Variants in C2orf80 observed in about 807,000 individuals in gnomAD.
C2orf80 encodes chromosome 2 open reading frame 80.
In C2orf80, 28 loss-of-function variants were observed where a neutral mutation model predicts 30.2. The observed-to-expected ratio is 0.93, with a 90% CI of 0.69 to 1.27. The LOEUF (loss-of-function observed/expected upper bound fraction) is 1.27. Ranked by LOEUF, C2orf80 falls within the 50% of genes most tolerant of loss-of-function variation. The probability of loss-of-function intolerance (pLI) is 0.00; values close to 1 mark genes in which losing one functional copy is unlikely to be tolerated. For missense variants in C2orf80, 220 were observed against 231.0 expected (o/e 0.95, Z 0.31); for synonymous variants, 80 against 76.4 (o/e 1.05, Z -0.24).
chr2:208,187,117 A>G, intron 1 of C2orf80, 56 bp from the exon 2 acceptor site: 1 of 780,230 alleles, frequency 1.3e-6, no homozygotes, highest in Non-Finnish European at 2.1e-6. Flanking sequence ...TCCAAATACC[A>G]GTCATGGAGT....
intron 8 of C2orf80, 37 bp downstream of exon 8, chr2:208,170,908 G>A (rs1696077122): frequency 2.7e-6 from 4 of 1,500,946 alleles, no homozygotes; most frequent in Non-Finnish European, 3.7e-6. Flanking sequence ...CAAAATAGCT[G>A]GTATCAGTTT....
intron 6 of C2orf80, among the ~76,000 whole-genome samples, chr2:208,174,576 A>C (rs1174398701): frequency 1.3e-5 from 2 of 152,218 alleles, no homozygotes; most frequent in African/African-American, 2.4e-5. Flanking sequence ...CAGAGTGATC[A>C]GGTGTGTTTG....
chr2:208,182,948 A>C lies in C2orf80; in HGVS notation c.206+17T>G, dbSNP rs573259631. 3.1e-6 allele frequency: 5 copies of C among 1,599,838 alleles called. No homozygotes were observed. In the African/African-American group the frequency reaches 6.7e-5, roughly 21 times the overall value. On this transcript the variant is annotated intron_variant, in intron 4 of 8. Transcript: ENST00000341287. ...GCACAAATTAAAGAGGAAAGCAACA[A>C]ACCTACTTCAACTTACAGTTCCTCC...
intron 1 of C2orf80, among the ~76,000 whole-genome samples, chr2:208,188,395 A>G (rs1472883942): frequency 1.3e-5 from 2 of 152,118 alleles, no homozygotes; most frequent in Non-Finnish European, 2.9e-5. Flanking sequence ...GAGAGCCAAC[A>G]GGATGGCGCT....
chr2:208,180,896 C>T, intron 5 of C2orf80, 80 bp from the exon 6 acceptor site: 1 of 1,204,304 alleles, frequency 8.3e-7, no homozygotes, highest in East Asian at 2.4e-5. Context: ...TAATATAGCT[C>T]CAGTATGTCT....
chr2:208,171,572 C>T (rs1212114462), intron 7 of C2orf80, among the ~76,000 whole-genome samples: 2 of 152,128 alleles, frequency 1.3e-5, no homozygotes, highest in Admixed American at 6.6e-5. Flanking sequence ...CTGCCCGCCT[C>T]GGCCTCCCAA....
rs558542657 is a variant in C2orf80 at position 208,179,586 on chromosome 2, G to T, written c.366+1159C>A. Among the ~76,000 whole-genome samples, 30 of 152,276 alleles carry T rather than the reference G, an allele frequency of 2.0e-4. No homozygotes were observed. The South Asian group carries it at 2.7e-3, about 14-fold the overall frequency. ...CTTGCCTCTTCTGGAGGTATCCAAA[G>T]GTGAAGGGATCAGTAGTTCACCTCT... On this transcript the variant is annotated intron_variant, in intron 6 of 8. Transcript: ENST00000341287.
At chr2:208,169,110 T>G (rs6435419) in intron 8 of C2orf80, among the ~76,000 whole-genome samples, 1 of 152,102 alleles carries the variant, frequency 6.6e-6, no homozygotes, top group South Asian at 2.1e-4. Flanking sequence ...AAAATATATA[T>G]GGAACAAAAT....
At chr2:208,175,362 A>G (rs1272386648) in intron 6 of C2orf80, among the ~76,000 whole-genome samples, 1 of 152,144 alleles carries the variant, frequency 6.6e-6, no homozygotes, top group Non-Finnish European at 1.5e-5. Flanking sequence ...CACTTGCGTA[A>G]GGTCTTTAGT....
At chr2:208,177,978 C>A in intron 6 of C2orf80, among the ~76,000 whole-genome samples, 1 of 151,698 alleles carries the variant, frequency 6.6e-6, no homozygotes, top group African/African-American at 2.4e-5. Context: ...CACCACGCCC[C>A]GCTAATTTTT....
At chr2:208,175,199 T>A (rs1696244529) in intron 6 of C2orf80, among the ~76,000 whole-genome samples, 1 of 83,396 alleles carries the variant, frequency 1.2e-5, no homozygotes, top group African/African-American at 5.4e-5. Context: ...GGCGAGAGAA[T>A]CACTTGAACC....
At chr2:208,183,192 T>C (rs1696615332) in intron 3 of C2orf80, 145 bp from the exon 4 acceptor site, 1 of 525,180 alleles carries the variant, frequency 1.9e-6, no homozygotes, top group Admixed American at 3.5e-5. Context: ...AATAACCTGA[T>C]GCTCGGCCAG....
At chr2:208,185,954 G>A (rs941956769) in intron 2 of C2orf80, among the ~76,000 whole-genome samples, 1 of 152,044 alleles carries the variant, frequency 6.6e-6, no homozygotes, top group African/African-American at 2.4e-5. Flanking sequence ...CTATTCTATT[G>A]GCCTCTAACA....
At chr2:208,176,418 C>T (rs58891294) in intron 6 of C2orf80, among the ~76,000 whole-genome samples, 7,863 of 152,242 alleles carry the variant, frequency 0.052, 619 homozygotes, top group African/African-American at 0.17. Flanking sequence ...TCAAGTGATC[C>T]GCCCGCCTCG....
At chr2:208,172,693 C>T (rs1237640386) in intron 6 of C2orf80, among the ~76,000 whole-genome samples, 1 of 152,196 alleles carries the variant, frequency 6.6e-6, no homozygotes, top group Non-Finnish European at 1.5e-5. Flanking sequence ...AGAATTGGTA[C>T]AACCATTTTG....
chr2:208,173,945 A>G (rs13384691), intron 6 of C2orf80, among the ~76,000 whole-genome samples: 9,687 of 151,730 alleles, frequency 0.064, 947 homozygotes, highest in African/African-American at 0.21. Flanking sequence ...TTAATCCCTC[A>G]TTTACTATTA....
chr2:208,177,889 A>G (rs1263664652), intron 6 of C2orf80, among the ~76,000 whole-genome samples: 1 of 151,500 alleles, frequency 6.6e-6, no homozygotes, highest in East Asian at 1.9e-4. Context: ...GCAGTGGCAC[A>G]ATCTGGGCTC....
chr2:208,172,821 G>A (rs1696145294), intron 6 of C2orf80, among the ~76,000 whole-genome samples: 1 of 152,078 alleles, frequency 6.6e-6, no homozygotes, highest in Non-Finnish European at 1.5e-5. Context: ...TCTTGCTTTT[G>A]CAAGAGATAA....
intron 4 of C2orf80, among the ~76,000 whole-genome samples, chr2:208,181,636 A>T (rs1696564419): frequency 6.6e-6 from 1 of 152,094 alleles, no homozygotes; most frequent in Admixed American, 6.5e-5. Context: ...GGAACTACCT[A>T]ACCCCACTGT....
Sources: gnomAD v4.1 joint callset for allele counts (sites outside exome capture counted in the v4.1 genomes callset) on GRCh38, gnomAD v4.1.1 for gene constraint, MANE v1.5 for transcripts, NCBI Gene and HGNC (gene_info 2026-07-23, HGNC 2026-07-21) for gene names.